PDE4D: variants seen among roughly 807,000 people sequenced by gnomAD.
The protein encoded by PDE4D is 3',5'-cyclic-AMP phosphodiesterase 4D.
PDE4D carries 24 observed loss-of-function variants against 87.4 expected under a neutral mutation model. The observed-to-expected ratio is 0.27, with a 90% confidence interval of 0.20 to 0.39. The LOEUF (loss-of-function observed/expected upper bound fraction) is 0.39. Ranked by LOEUF, PDE4D falls within the 10% of genes least tolerant of loss-of-function variation. The pLI is 1.00. For synonymous variants in PDE4D, 384 were observed against 383.2 expected (o/e 1.00, Z -0.02); for missense variants, 714 against 1,041.0 (o/e 0.69, Z 4.32).
chr5:60,460,979 A>G (rs1746890624), intron 1 of PDE4D, among the ~76,000 whole-genome samples: 1 of 152,090 alleles, frequency 6.6e-6, no homozygotes, highest in Admixed American at 6.5e-5. Flanking sequence ...CCCCCAAGGA[A>G]GCTAATCAAC....
At chr5:59,864,143 G>T (rs1746676240) in intron 1 of PDE4D, among the ~76,000 whole-genome samples, 1 of 152,142 alleles carries the variant, frequency 6.6e-6, no homozygotes, top group African/African-American at 2.4e-5. Context: ...ATGGGCATTA[G>T]TGCGATGTGC....
intron 1 of PDE4D, among the ~76,000 whole-genome samples, chr5:59,634,057 CAGAA>C (rs1831930750): frequency 3.0e-5 from 2 of 66,138 alleles, no homozygotes; most frequent in African/African-American, 1.1e-4. Flanking sequence ...ACCAAACAAA[CAGAA>C]AGAAAAAAAA....
intron 1 of PDE4D, chr5:59,586,524 T>TC (rs1825166009): frequency 5.1e-6 from 6 of 1,182,660 alleles, no homozygotes; most frequent in Admixed American, 3.1e-5. Flanking sequence ...AAAAAAAATC[T>TC]CCCCCCACCA....
chr5:59,844,871 C>T (rs191235213), intron 1 of PDE4D, among the ~76,000 whole-genome samples: 2 of 152,154 alleles, frequency 1.3e-5, no homozygotes, highest in Admixed American at 1.3e-4. Flanking sequence ...GTGGGCCTGA[C>T]TGAATCAGAA....
intron 1 of PDE4D, among the ~76,000 whole-genome samples, chr5:59,716,621 C>T (rs1352895708): frequency 1.3e-5 from 2 of 152,180 alleles, no homozygotes; most frequent in African/African-American, 2.4e-5. Context: ...CAAATGAGAA[C>T]AAGCAAACAT....
intron 3 of PDE4D, among the ~76,000 whole-genome samples, chr5:59,960,524 C>T (rs923766272): frequency 6.6e-6 from 1 of 152,056 alleles, no homozygotes; most frequent in Non-Finnish European, 1.5e-5. Context: ...TACACAGCCA[C>T]AAGAAAAAAC....
At chr5:59,902,909 A>G (rs1752425308) in intron 3 of PDE4D, among the ~76,000 whole-genome samples, 1 of 152,212 alleles carries the variant, frequency 6.6e-6, no homozygotes, top group Non-Finnish European at 1.5e-5. Flanking sequence ...GCTAAAAATA[A>G]CTACAAACAT....
At chr5:59,430,574 G>A (rs1795965181) in intron 1 of PDE4D, 1 of 457,074 alleles carries the variant, frequency 2.2e-6, no homozygotes, top group Non-Finnish European at 3.5e-6. Flanking sequence ...CGTGTTTCTC[G>A]GAGGCTAAAT....
chr5:59,558,009 C>T lies in PDE4D; in HGVS notation c.455+335159G>A, dbSNP rs115610505. Among the ~76,000 whole-genome samples, 654 of 152,268 alleles carry T rather than the reference C, an allele frequency of 4.3e-3. 5 individuals are homozygous for T. Among genetic ancestry groups the T allele is most frequent in the African/African-American group, 0.015 (608 of 41,544 alleles). On this transcript the variant is annotated intron_variant, in intron 1 of 14. Coordinates refer to ENST00000340635, the MANE Select transcript of PDE4D (RefSeq NM_001104631.2). ...ATTATTGGTGGCTCTAGAGGGCATA[C>T]ACCTGGTTGTACAGGAACCGTAAGG... is the stretch of plus-strand genomic sequence containing the variant.
In PDE4D at chr5:58,985,964, A is replaced by T. The variant is rs560608320; in HGVS notation, c.1552+2529T>A. Among the ~76,000 whole-genome samples the T allele has an allele frequency of 3.3e-5, 5 of 152,310 alleles. No homozygotes were observed. The South Asian group carries it at 8.3e-4, about 25-fold the overall frequency. On this transcript the variant is annotated intron_variant, in intron 11 of 14. Coordinates refer to ENST00000340635, the MANE Select transcript of PDE4D (RefSeq NM_001104631.2). The stretch of plus-strand genomic sequence containing the variant: ...TGATAATGCCCTGGGGCCCGGAACA[A>T]CCCTGGGATACTTTCCTGTACAAAG...
At chr5:59,393,028 G>T (rs1197985702) in intron 1 of PDE4D, among the ~76,000 whole-genome samples, 1 of 151,992 alleles carries the variant, frequency 6.6e-6, no homozygotes, top group African/African-American at 2.4e-5. Flanking sequence ...GGATGGATTG[G>T]ATATTAAAAA....
Position 59,238,857 on chromosome 5 carries a change from C to A in PDE4D, c.456-22889G>T, listed in dbSNP as rs150998051. ...TTGGTGTGAGTTAAGGACAAAGGTA[C>A]TTTTGACTTTAAGACAGTAAGAAAT... On this transcript the variant is annotated intron_variant, in intron 1 of 14. Coordinates refer to ENST00000340635, the MANE Select transcript of PDE4D (RefSeq NM_001104631.2). Among the ~76,000 whole-genome samples the A allele has an allele frequency of 3.3e-5, 5 of 152,300 alleles. No individual in the cohort carries two copies. The East Asian group carries it at 9.7e-4, about 29-fold the overall frequency.
chr5:60,315,323 T>A (rs543892189), intron 1 of PDE4D, among the ~76,000 whole-genome samples: 6 of 152,358 alleles, frequency 3.9e-5, no homozygotes, highest in African/African-American at 1.4e-4. Flanking sequence ...GCCTATTTGT[T>A]GATGGGGTTG....
intron 3 of PDE4D, among the ~76,000 whole-genome samples, chr5:59,190,281 A>C (rs1005596858): frequency 1.3e-5 from 2 of 152,072 alleles, no homozygotes; most frequent in South Asian, 4.1e-4. Context: ...ATAAAATAAA[A>C]TGTCAGTAGC....
chr5:59,849,191 T>A (rs1744313164), intron 1 of PDE4D, among the ~76,000 whole-genome samples: 1 of 152,100 alleles, frequency 6.6e-6, no homozygotes, highest in African/African-American at 2.4e-5. Flanking sequence ...CATTTAAACA[T>A]TTGGTTTAAA....
At chr5:59,461,236 A>G (rs932620661) in intron 1 of PDE4D, among the ~76,000 whole-genome samples, 3 of 152,180 alleles carry the variant, frequency 2.0e-5, no homozygotes, top group Non-Finnish European at 4.4e-5. Context: ...AGTAAAAAAG[A>G]TTATATATAT....
intron 2 of PDE4D, among the ~76,000 whole-genome samples, chr5:60,030,243 G>C (rs929609300): frequency 6.6e-6 from 1 of 152,064 alleles, no homozygotes; most frequent in African/African-American, 2.4e-5. Context: ...GAGGTCAGGA[G>C]ATCGAGACCA....
intron 2 of PDE4D, among the ~76,000 whole-genome samples, chr5:60,127,119 C>T (rs986468607): frequency 2.0e-5 from 3 of 151,980 alleles, no homozygotes; most frequent in Non-Finnish European, 4.4e-5. Flanking sequence ...GTGTTCCTGG[C>T]AGAGAGAACA....
intron 2 of PDE4D, among the ~76,000 whole-genome samples, chr5:60,123,631 G>C (rs1303686899): frequency 1.3e-5 from 2 of 151,794 alleles, no homozygotes; most frequent in East Asian, 3.9e-4. Flanking sequence ...TGGGGACACA[G>C]AGCCAAACCG....
Sources: gnomAD v4.1 joint callset for allele counts (sites outside exome capture counted in the v4.1 genomes callset) on GRCh38, gnomAD v4.1.1 for gene constraint, MANE v1.5 for transcripts, NCBI Gene and HGNC (gene_info 2026-07-23, HGNC 2026-07-21) for gene names.